SERPINE2: variants seen among roughly 807,000 people sequenced by gnomAD.
SERPINE2 encodes serpin family E member 2.
Under a neutral mutation model 36.3 loss-of-function variants are expected in SERPINE2, and 14 were observed. The ratio of observed to expected loss-of-function variants is 0.39; its 90% CI spans 0.25 to 0.60. The LOEUF is 0.60. SERPINE2 is among the 20% of genes least tolerant of loss of function. The probability of loss-of-function intolerance (pLI) is 0.57; values close to 1 mark genes in which losing one functional copy is unlikely to be tolerated. For missense variants in SERPINE2, 418 were observed against 499.6 expected, an observed-to-expected ratio of 0.84 and a Z score of 1.56; for synonymous variants, 192 against 191.8, an observed-to-expected ratio of 1.00 and a Z score of -0.01.
intron 1 of SERPINE2, among the ~76,000 whole-genome samples, chr2:224,005,864 G>T (rs1280871308): frequency 2.0e-5 from 3 of 152,150 alleles, no homozygotes; most frequent in Non-Finnish European, 4.4e-5. Flanking sequence ...ATCATTGGAG[G>T]GAAGATCATA....
rs1364833292 is a variant in SERPINE2 at position 224,001,747 on chromosome 2, C to A, written c.154G>T (p.Val52Leu). 2 of 1,614,014 alleles carry A rather than the reference C, an allele frequency of 1.2e-6. No individual in the cohort carries two copies. Among genetic ancestry groups the A allele is most frequent in the South Asian group, 1.1e-5 (1 of 91,088 alleles). ...IVKSRPHDNI[V>L]ISPHGIASVL... is the part of the protein sequence containing the mutation. ...GACGCAATCCCATGGGGAGAGATCA[C>A]GATGTTGTCATGAGGCCTCGACTTC... Residue 52 changes from valine (V) to leucine (L), a missense_variant, in exon 2 of 9, where the codon GTG becomes TTG. Physicochemically the swap from Val to Leu is conservative, Grantham distance 32. Transcript: ENST00000409304.
At chr2:224,011,389 T>C (rs1259025688) in intron 1 of SERPINE2, among the ~76,000 whole-genome samples, 3 of 152,186 alleles carry the variant, frequency 2.0e-5, no homozygotes, top group East Asian at 1.9e-4. Flanking sequence ...TTGGTAAAAA[T>C]ACATAAAATA....
At chr2:223,995,684 G>A (rs141576956) in intron 3 of SERPINE2, among the ~76,000 whole-genome samples, 78 of 152,240 alleles carry the variant, frequency 5.1e-4, no homozygotes, top group African/African-American at 1.6e-3. Flanking sequence ...TGAGTCCCAC[G>A]CAAATCAAGC....
At chr2:223,992,110 G>C in intron 3 of SERPINE2, 110 bp from the exon 4 acceptor site, 1 of 930,332 alleles carries the variant, frequency 1.1e-6, no homozygotes, top group Non-Finnish European at 1.7e-6. Flanking sequence ...GGATTTTTAA[G>C]GAGTGTTAAA....
intron 1 of SERPINE2, chr2:224,038,397 ATG>A: frequency 9.6e-7 from 1 of 1,042,506 alleles, no homozygotes; most frequent in Non-Finnish European, 1.5e-6. Context: ...GTGCTGTCTT[ATG>A]TAATAGAAGC....
At chr2:224,006,298 TG>T (rs1258899938) in intron 1 of SERPINE2, among the ~76,000 whole-genome samples, 1 of 152,162 alleles carries the variant, frequency 6.6e-6, no homozygotes, top group East Asian at 1.9e-4. Context: ...TATCCACTGG[TG>T]GGGAGGGGTA....
At chr2:224,030,104 A>T in intron 1 of SERPINE2, 1 of 985,472 alleles carries the variant, frequency 1.0e-6, no homozygotes, top group Non-Finnish European at 1.2e-6. Flanking sequence ...CCTCTTGGTA[A>T]CACTGCTGTT....
intron 1 of SERPINE2, among the ~76,000 whole-genome samples, chr2:224,036,031 A>G (rs1692521734): frequency 6.6e-6 from 1 of 152,102 alleles, no homozygotes; most frequent in Non-Finnish European, 1.5e-5. Flanking sequence ...AATGAAGCGG[A>G]TATGGGGTGG....
intron 8 of SERPINE2, among the ~76,000 whole-genome samples, chr2:223,976,388 G>A (rs1005961846): frequency 2.6e-5 from 4 of 152,132 alleles, no homozygotes. Flanking sequence ...CTGACCTCAG[G>A]TGATCCACCC....
intron 1 of SERPINE2, among the ~76,000 whole-genome samples, chr2:224,020,929 A>T (rs1426457639): frequency 6.6e-6 from 1 of 152,212 alleles, no homozygotes; most frequent in Non-Finnish European, 1.5e-5. Context: ...ATGGATGGTC[A>T]AAGGTTTTTA....
At chr2:223,987,225 T>C (rs1690472341) in intron 4 of SERPINE2, among the ~76,000 whole-genome samples, 3 of 152,338 alleles carry the variant, frequency 2.0e-5, no homozygotes, top group Middle Eastern at 3.4e-3. Flanking sequence ...CAGCATAAGC[T>C]GGCCCATAGC....
At chr2:224,026,337 A>G (rs1027684552) in intron 1 of SERPINE2, among the ~76,000 whole-genome samples, 6 of 152,236 alleles carry the variant, frequency 3.9e-5, no homozygotes, top group Admixed American at 6.5e-5. Context: ...TCAACGTTCA[A>G]TATCTGGCAA....
At chr2:224,011,597 T>C (rs1691624293) in intron 1 of SERPINE2, among the ~76,000 whole-genome samples, 1 of 152,164 alleles carries the variant, frequency 6.6e-6, no homozygotes, top group Non-Finnish European at 1.5e-5. Flanking sequence ...AAACTAACAC[T>C]CTCTGGATTC....
chr2:224,002,310 G>C (rs375106883), intron 1 of SERPINE2, among the ~76,000 whole-genome samples: 1 of 151,750 alleles, frequency 6.6e-6, no homozygotes, highest in African/African-American at 2.4e-5. Flanking sequence ...TAGTATGCTT[G>C]ACTGTACTCA....
At position 223,975,953 on chromosome 2, in the gene SERPINE2, T is replaced by C. The variant is rs1689995245; in HGVS notation, c.1157-49A>G. 2.0e-6 allele frequency: 3 copies of C among 1,514,664 alleles called. No homozygotes were observed. The Admixed American group carries it at 5.3e-5, about 27-fold the overall frequency. The allele number at this position is 1,514,664 out of a possible 1,614,324, so 93.8% of individuals were successfully genotyped here. A position where few individuals can be genotyped will look rare whatever the true frequency, so the allele number is the denominator to read the frequency against. On this transcript the variant is annotated intron_variant, in intron 8 of 8. Coordinates refer to ENST00000409304, the MANE Select transcript of SERPINE2 (RefSeq NM_001136528.2). ...GCATGACTCTGTAAATTAATAATCCTTAAAATAAGATGGAAGGTATTCTAT... is the reference window on the plus strand; with the variant it reads ...GCATGACTCTGTAAATTAATAATCCCTAAAATAAGATGGAAGGTATTCTAT...
chr2:224,010,315 A>T (rs1691579997), intron 1 of SERPINE2: 2 of 984,080 alleles, frequency 2.0e-6, no homozygotes, highest in Non-Finnish European at 2.4e-6. Flanking sequence ...TTTGGCCAAA[A>T]AGGAACCTAA....
intron 4 of SERPINE2, among the ~76,000 whole-genome samples, chr2:223,987,061 G>A (rs897987632): frequency 1.2e-4 from 18 of 152,110 alleles, no homozygotes; most frequent in African/African-American, 4.3e-4. Flanking sequence ...TATAAGACCT[G>A]TATTCAAATC....
Position 224,001,877 on chromosome 2 carries a change from G to C in SERPINE2, c.24C>G (p.Phe8Leu), listed in dbSNP as rs368053492. 4.5e-5 allele frequency: 73 copies of C among 1,613,538 alleles called. No individual in the cohort carries two copies. The highest frequency in any genetic ancestry group is 5.9e-5 in the Non-Finnish European group (70 of 1,179,580). ...AAGGCAGCGTCACAGAGGCCAAGAG[G>C]AAGAGGGGGAGATGCCAGTTCATGG... MNWHLPL[F>L]LLASVTLPSI... Residue 8 changes from phenylalanine to leucine, a missense_variant, in exon 2 of 9, where the codon TTC becomes TTG. Coordinates refer to ENST00000409304, the MANE Select transcript of SERPINE2 (RefSeq NM_001136528.2).
chr2:223,996,974 G>A (rs779749225), intron 3 of SERPINE2, among the ~76,000 whole-genome samples: 8 of 152,172 alleles, frequency 5.3e-5, no homozygotes, highest in African/African-American at 1.9e-4. Context: ...CTACCGGAAA[G>A]GCTGAGGTGG....
Sources: allele counts gnomAD v4.1 joint callset (sites outside exome capture counted in the v4.1 genomes callset), GRCh38; gene constraint gnomAD v4.1.1; transcripts MANE v1.5; gene names NCBI Gene and HGNC (gene_info 2026-07-23, HGNC 2026-07-21).